POFUT3: variants seen among roughly 807,000 people sequenced by gnomAD.
POFUT3 encodes the protein GDP-fucose protein O-fucosyltransferase 3.
At chr8:33,325,566 A>G in the POFUT3 span, among the ~76,000 whole-genome samples, 11 of 152,274 alleles carry the variant, frequency 7.2e-5, no homozygotes, top group African/African-American at 2.4e-4. Flanking sequence ...TAAAACTTCA[A>G]CTGGGCTGTG....
chr8:33,376,351 T>C, the POFUT3 span, among the ~76,000 whole-genome samples: 1 of 152,180 alleles, frequency 6.6e-6, no homozygotes, highest in African/African-American at 2.4e-5. Flanking sequence ...GTGCTACTTA[T>C]GATTGGCTCA....
chr8:33,414,740 T>C, the POFUT3 span, among the ~76,000 whole-genome samples: 2,242 of 152,216 alleles, frequency 0.015, 58 homozygotes, highest in African/African-American at 0.05. Flanking sequence ...CTTAATTTTG[T>C]GATAATCTTC....
At chr8:33,436,227 G>A in the POFUT3 span, 25 of 1,330,420 alleles carry the variant, frequency 1.9e-5, no homozygotes, top group African/African-American at 1.2e-4. Flanking sequence ...TGGGTACCAC[G>A]AAGGGTGTAT....
the POFUT3 span, among the ~76,000 whole-genome samples, chr8:33,309,175 T>A: frequency 8.1e-4 from 77 of 94,780 alleles, 1 homozygote; most frequent in South Asian, 1.8e-3. Flanking sequence ...AAAATATATA[T>A]ATATATATAT....
chr8:33,366,736 G>A, the POFUT3 span, among the ~76,000 whole-genome samples: 1 of 152,176 alleles, frequency 6.6e-6, no homozygotes, highest in African/African-American at 2.4e-5. Context: ...CTCTTAAAGT[G>A]ACAGGCTCAC....
chr8:33,320,964 G>A, the POFUT3 span, among the ~76,000 whole-genome samples: 1 of 152,054 alleles, frequency 6.6e-6, no homozygotes, highest in African/African-American at 2.4e-5. Flanking sequence ...GGGAGGCCTG[G>A]CTCATTGGAA....
chr8:33,321,446 T>C, the POFUT3 span, among the ~76,000 whole-genome samples: 1 of 151,994 alleles, frequency 6.6e-6, no homozygotes, highest in Non-Finnish European at 1.5e-5. Context: ...CATTTCTCTC[T>C]CCCTCCCTCC....
the POFUT3 span, among the ~76,000 whole-genome samples, chr8:33,344,002 A>G: frequency 4.6e-5 from 7 of 152,062 alleles, no homozygotes; most frequent in Non-Finnish European, 1.0e-4. Context: ...TCATTACCCC[A>G]TTGTGTTAGG....
the POFUT3 span, among the ~76,000 whole-genome samples, chr8:33,419,410 A>C: frequency 3.3e-5 from 5 of 152,224 alleles, no homozygotes; most frequent in African/African-American, 4.8e-5. Context: ...ATAGATACTC[A>C]CAAGGAGCAA....
the POFUT3 span, among the ~76,000 whole-genome samples, chr8:33,444,844 T>C: frequency 1.7e-4 from 26 of 151,902 alleles, no homozygotes; most frequent in African/African-American, 6.0e-4. Context: ...TACTATTATT[T>C]ATTTAAATAA....
chr8:33,379,048 T>C, the POFUT3 span, among the ~76,000 whole-genome samples: 1 of 152,048 alleles, frequency 6.6e-6, no homozygotes, highest in Non-Finnish European at 1.5e-5. Flanking sequence ...CGAGATCTGA[T>C]GGTTTAAATG....
the POFUT3 span, among the ~76,000 whole-genome samples, chr8:33,384,450 C>A: frequency 3.3e-5 from 5 of 152,164 alleles, no homozygotes; most frequent in Non-Finnish European, 5.9e-5. Context: ...GAAATTGACA[C>A]CTACCTTAGA....
At chr8:33,395,931 A>G in the POFUT3 span, among the ~76,000 whole-genome samples, 2 of 152,334 alleles carry the variant, frequency 1.3e-5, no homozygotes, top group East Asian at 3.9e-4. Context: ...AAGGCCCACA[A>G]GGAAGTCACG....
chr8:33,457,177 G>A, the POFUT3 span, among the ~76,000 whole-genome samples: 1 of 152,166 alleles, frequency 6.6e-6, no homozygotes. Context: ...GACAGACATG[G>A]TGGCTCACAC....
the POFUT3 span, among the ~76,000 whole-genome samples, chr8:33,317,954 C>T: frequency 6.6e-6 from 1 of 152,032 alleles, no homozygotes; most frequent in African/African-American, 2.4e-5. Flanking sequence ...TGTTGGTTTC[C>T]CAGTAAATTA....
At chr8:33,466,186 G>A in the POFUT3 span, among the ~76,000 whole-genome samples, 6 of 152,086 alleles carry the variant, frequency 3.9e-5, no homozygotes, top group African/African-American at 1.4e-4. Context: ...GGAGACTGAG[G>A]CAGGAAGATC....
At chr8:33,441,267 GT>G in the POFUT3 span, among the ~76,000 whole-genome samples, 2 of 147,338 alleles carry the variant, frequency 1.4e-5, no homozygotes, top group Non-Finnish European at 3.0e-5. Flanking sequence ...GGAAGCAGAG[GT>G]TGCAGTGAGC....
At chr8:33,391,667 C>T in the POFUT3 span, among the ~76,000 whole-genome samples, 2 of 152,108 alleles carry the variant, frequency 1.3e-5, no homozygotes, top group African/African-American at 4.8e-5. Flanking sequence ...AAAGTTGCCA[C>T]CTAAGGCATA....
At chr8:33,399,933 C>T in the POFUT3 span, among the ~76,000 whole-genome samples, 706 of 151,704 alleles carry the variant, frequency 4.7e-3, 5 homozygotes, top group African/African-American at 0.016. Flanking sequence ...GGATTACAGG[C>T]GTGAGCCACT....
Sources: allele counts gnomAD v4.1 joint callset (sites outside exome capture counted in the v4.1 genomes callset), GRCh38; gene constraint gnomAD v4.1.1; transcripts MANE v1.5; gene names NCBI Gene and HGNC (gene_info 2026-07-23, HGNC 2026-07-21).